Variants in MMS19 observed in about 807,000 individuals in gnomAD.
The protein encoded by MMS19 is MMS19 cytosolic iron-sulfur assembly component, also known as MMS19 nucleotide excision repair protein homolog.
MMS19 carries 77 observed loss-of-function variants against 129.8 expected under a neutral mutation model. The ratio of observed to expected loss-of-function variants is 0.59; its 90% confidence interval spans 0.49 to 0.72. The LOEUF (loss-of-function observed/expected upper bound fraction) is 0.72. MMS19 is among the 30% of genes least tolerant of loss of function. MMS19 has a pLI of 0.00. For synonymous variants in MMS19, 491 were observed against 502.8 expected, an observed-to-expected ratio of 0.98 and a Z score of 0.31; for missense variants, 1,168 against 1,266.3, an observed-to-expected ratio of 0.92 and a Z score of 1.18.
At chr10:97,464,117 C>CTCTTGGTCCCTT in intron 18 of MMS19, 104 bp from the exon 19 acceptor site, 1 of 1,030,614 alleles carries the variant, frequency 9.7e-7, no homozygotes, top group Non-Finnish European at 1.4e-6. Context: ...ACTGAAGGGA[C>CTCTTGGTCCCTT]CAAGAGTGCC....
Position 97,477,932 on chromosome 10 carries a change from G to C in MMS19, c.349-3C>G, listed in dbSNP as rs2036057748. On this transcript the variant is annotated splice_region_variant and splice_polypyrimidine_tract_variant and intron_variant, in intron 4 of 30. Transcript: ENST00000438925. Reference sequence around the variant, plus strand: ...GGGGGCAGGGCCACACACAGGCTCTGGGGGAGAGGAGAAGGTACGTGAATA... The same window carrying C: ...GGGGGCAGGGCCACACACAGGCTCTCGGGGAGAGGAGAAGGTACGTGAATA... 1 of 1,589,548 alleles carries C rather than the reference G, an allele frequency of 6.3e-7. No individual in the cohort carries two copies. Among genetic ancestry groups the C allele is most frequent in the Non-Finnish European group, 8.5e-7 (1 of 1,170,874 alleles).
At chr10:97,464,940 G>A in intron 18 of MMS19, among the ~76,000 whole-genome samples, 1 of 152,096 alleles carries the variant, frequency 6.6e-6, no homozygotes, top group East Asian at 1.9e-4. Context: ...TTGAGCTCAA[G>A]TGATCCATCA....
chr10:97,466,185 T>G, intron 16 of MMS19, 26 bp from the exon 17 acceptor site: 1 of 1,534,000 alleles, frequency 6.5e-7, no homozygotes, highest in South Asian at 1.2e-5. Context: ...AGATAAGCAT[T>G]GGCTGAGCCT....
chr10:97,474,850 G>A (rs1178411697), intron 8 of MMS19, among the ~76,000 whole-genome samples: 2 of 152,142 alleles, frequency 1.3e-5, no homozygotes, highest in South Asian at 2.1e-4. Flanking sequence ...TAGCAGTAAA[G>A]GGGTATGAAA....
chr10:97,459,820 G>A (rs1163236825), intron 26 of MMS19, 79 bp from the exon 27 acceptor site: 1 of 1,212,346 alleles, frequency 8.2e-7, no homozygotes, highest in Non-Finnish European at 1.2e-6. Context: ...TCTGTGGTGA[G>A]GCTGAGACAT....
At chr10:97,492,194 G>GGC in intron 1 of MMS19, among the ~76,000 whole-genome samples, 1 of 150,914 alleles carries the variant, frequency 6.6e-6, no homozygotes, top group East Asian at 1.9e-4. Context: ...AATGAGGCCG[G>GGC]GCGCGGTGGT....
chr10:97,486,943 G>A (rs1267026752), intron 1 of MMS19, among the ~76,000 whole-genome samples: 4 of 143,840 alleles, frequency 2.8e-5, no homozygotes, highest in Non-Finnish European at 6.0e-5. Flanking sequence ...AAATCAGGGA[G>A]AAGGTAGCCC....
At chr10:97,468,173 TA>T in intron 13 of MMS19, 78 bp downstream of exon 13, 1 of 1,420,320 alleles carries the variant, frequency 7.0e-7, no homozygotes. Context: ...TGGCCCAAGC[TA>T]AAACTTAGCT....
At chr10:97,460,553 C>A (rs2031502013) in intron 25 of MMS19, 142 bp downstream of exon 25, 3 of 745,118 alleles carry the variant, frequency 4.0e-6, no homozygotes, top group Non-Finnish European at 6.9e-6. Flanking sequence ...GCCTGGGTGA[C>A]AGAGTAAGAC....
chr10:97,488,863 C>T (rs1363914737), intron 1 of MMS19, among the ~76,000 whole-genome samples: 1 of 152,224 alleles, frequency 6.6e-6, no homozygotes, highest in East Asian at 1.9e-4. Context: ...TGACTGCAAA[C>T]AACACATGCC....
chr10:97,474,037 G>A (rs897077136), intron 8 of MMS19, among the ~76,000 whole-genome samples: 3 of 151,706 alleles, frequency 2.0e-5, no homozygotes, highest in South Asian at 2.1e-4. Context: ...CCAGCTACTC[G>A]GGAGGCAGGG....
At position 97,460,921 on chromosome 10, in the gene MMS19, T is replaced by C; in HGVS notation, c.2398A>G (p.Thr800Ala). Reference sequence around the variant, plus strand: ...CAACTCCTTACCCAGAGAAGAAGAGTGAAGGCCTGACTACGACAGGGCCCA... The same window carrying C: ...CAACTCCTTACCCAGAGAAGAAGAGCGAAGGCCTGACTACGACAGGGCCCA... ...GSGPCRSQAFTLLLWVTKALV... is the reference protein window; with the variant it reads ...GSGPCRSQAFALLLWVTKALV... The change falls in exon 24 of 31, where the codon ACT becomes GCT. Residue 800 changes from threonine (T) to alanine (A), a missense_variant. By Grantham distance (58) the Thr-to-Ala change is moderately conservative. Around this residue, in one of 3 missense-constraint regions of MMS19, gnomAD observed 831 missense variants for 910.8 expected, o/e 0.91. Coordinates refer to ENST00000438925, the MANE Select transcript of MMS19 (RefSeq NM_022362.5). 1.3e-6 allele frequency: 2 copies of C among 1,579,562 alleles called. No homozygotes were observed. Among genetic ancestry groups the C allele is most frequent in the Non-Finnish European group, 1.7e-6 (2 of 1,161,948 alleles).
At chr10:97,493,770 T>G (rs2039344280) in intron 1 of MMS19, among the ~76,000 whole-genome samples, 1 of 152,188 alleles carries the variant, frequency 6.6e-6, no homozygotes, top group African/African-American at 2.4e-5. Flanking sequence ...ATCTCAGCAC[T>G]TTGGGAGGCC....
rs971867001 is a variant in MMS19, at chr10:97,468,301, G to C, written c.1169C>G (p.Thr390Ser). The C allele has an allele frequency of 1.2e-6, 2 of 1,611,250 alleles. No individual in the cohort carries two copies. Among genetic ancestry groups the C allele is most frequent in the Admixed American group, 1.7e-5 (1 of 59,816 alleles). ...GASARACDSV[T>S]SNVLPLLLEQ... is the part of the protein sequence containing the mutation. Reference sequence around the variant, plus strand: ...CAGCAGTAAAGGCAGTACATTGCTGGTGACAGAGTCACAGGCCCGGGCAGA... The same window carrying C: ...CAGCAGTAAAGGCAGTACATTGCTGCTGACAGAGTCACAGGCCCGGGCAGA... Residue 390 changes from threonine to serine, a missense_variant, in exon 13 of 31, where the codon ACC becomes AGC. Coordinates refer to ENST00000438925, the MANE Select transcript of MMS19 (RefSeq NM_022362.5).
intron 1 of MMS19, among the ~76,000 whole-genome samples, chr10:97,493,847 C>T (rs1032284518): frequency 6.6e-6 from 1 of 152,118 alleles, no homozygotes; most frequent in Non-Finnish European, 1.5e-5. Context: ...GAAACCCCAT[C>T]TCTACTAAAA....
At chr10:97,468,867 C>G in intron 12 of MMS19, 99 bp downstream of exon 12, 1 of 1,343,134 alleles carries the variant, frequency 7.4e-7, no homozygotes, top group South Asian at 1.4e-5. Flanking sequence ...CCTCGGCCTC[C>G]TAAAGTGCAG....
At chr10:97,490,253 A>G (rs1564703971) in intron 1 of MMS19, among the ~76,000 whole-genome samples, 1 of 151,800 alleles carries the variant, frequency 6.6e-6, no homozygotes, top group African/African-American at 2.4e-5. Context: ...TAATTTTTGT[A>G]TTTTTTTGTA....
chr10:97,471,697 C>T (rs969070926), intron 8 of MMS19, among the ~76,000 whole-genome samples: 3 of 151,958 alleles, frequency 2.0e-5, no homozygotes, highest in Admixed American at 2.0e-4. Context: ...TTTTTGTAGA[C>T]ATGGGGTTTC....
chr10:97,498,529 T>A, upstream of MMS19: 4 of 1,163,522 alleles, frequency 3.4e-6, no homozygotes, highest in Non-Finnish European at 4.7e-6. Flanking sequence ...GCCTAGGCAG[T>A]TCCAGGGAGG....
Sources: gnomAD v4.1 joint callset for allele counts (sites outside exome capture counted in the v4.1 genomes callset) on GRCh38, gnomAD v4.1.1 for gene constraint, gnomAD v4.1.1 regional missense constraint, MANE v1.5 for transcripts, NCBI Gene and HGNC (gene_info 2026-07-23, HGNC 2026-07-21) for gene names.